The following PAPPA variants were observed in gnomAD, a reference collection of about 807,000 sequenced individuals.
The protein encoded by PAPPA is pappalysin 1.
A neutral mutation model predicts 164.0 loss-of-function variants in PAPPA; 60 were observed. The ratio of observed to expected loss-of-function variants is 0.37; its 90% confidence interval spans 0.30 to 0.45. The LOEUF (loss-of-function observed/expected upper bound fraction) is 0.45, where lower values mean the gene tolerates loss of function less well. Among genes scored for constraint, PAPPA ranks in the 20% least tolerant of loss-of-function variants. The pLI, the probability that PAPPA is intolerant of heterozygous loss-of-function variation, is 1.00. For missense variants in PAPPA, 1,782 were observed against 2,087.3 expected (o/e 0.85, Z 2.85); for synonymous variants, 875 against 814.1 (o/e 1.07, Z -1.27).
chr9:116,223,578 G>A (rs903465829), intron 5 of PAPPA, among the ~76,000 whole-genome samples: 3 of 152,070 alleles, frequency 2.0e-5, no homozygotes, highest in Non-Finnish European at 2.9e-5. Flanking sequence ...GTTATCATAC[G>A]TTAAATTAAA....
At chr9:116,270,713 A>G (rs1845125923) in intron 8 of PAPPA, among the ~76,000 whole-genome samples, 1 of 152,216 alleles carries the variant, frequency 6.6e-6, no homozygotes, top group African/African-American at 2.4e-5. Flanking sequence ...TCCAACAAAA[A>G]CAAAGGGGGC....
chr9:116,179,093 T>A (rs2118607478), intron 1 of PAPPA, among the ~76,000 whole-genome samples: 1 of 152,336 alleles, frequency 6.6e-6, no homozygotes, highest in Middle Eastern at 3.4e-3. Flanking sequence ...TACATTTATC[T>A]CTTTTCTCTC....
At chr9:116,276,893 C>T (rs1325646161) in intron 9 of PAPPA, among the ~76,000 whole-genome samples, 1 of 152,160 alleles carries the variant, frequency 6.6e-6, no homozygotes, top group Non-Finnish European at 1.5e-5. Flanking sequence ...GTCTGCCTCC[C>T]CACCAGTTGC....
chr9:116,209,260 G>A (rs1334311516), intron 3 of PAPPA, among the ~76,000 whole-genome samples: 1 of 152,118 alleles, frequency 6.6e-6, no homozygotes, highest in Admixed American at 6.5e-5. Context: ...GCCAAAATTC[G>A]TGTTTGTTCT....
chr9:116,380,670 A>T (rs765530989), intron 20 of PAPPA, among the ~76,000 whole-genome samples: 2 of 152,232 alleles, frequency 1.3e-5, no homozygotes, highest in Non-Finnish European at 2.9e-5. Flanking sequence ...CACACAGCAG[A>T]GTCACACCTG....
chr9:116,158,541 G>C (rs1228043799), intron 1 of PAPPA, among the ~76,000 whole-genome samples: 1 of 152,200 alleles, frequency 6.6e-6, no homozygotes, highest in Non-Finnish European at 1.5e-5. Context: ...GATGGCACAA[G>C]TACCTGTATC....
At chr9:116,316,689 A>G (rs1000880302) in intron 10 of PAPPA, 1 of 152,276 alleles carries the variant, frequency 6.6e-6, no homozygotes, top group African/African-American at 2.4e-5. Flanking sequence ...TTTTGTCTTT[A>G]AAAATGGGAG....
At chr9:116,246,313 T>G (rs1844796296) in intron 7 of PAPPA, among the ~76,000 whole-genome samples, 1 of 152,114 alleles carries the variant, frequency 6.6e-6, no homozygotes, top group Admixed American at 6.5e-5. Context: ...GCTGGTAAAA[T>G]AATGGGTTTG....
chr9:116,168,473 CTA>C (rs898370085), intron 1 of PAPPA, among the ~76,000 whole-genome samples: 5 of 152,102 alleles, frequency 3.3e-5, no homozygotes, highest in African/African-American at 1.2e-4. Flanking sequence ...AGCAGAAACA[CTA>C]TGTTATGAAA....
At chr9:116,294,556 T>C (rs1485996471) in intron 9 of PAPPA, among the ~76,000 whole-genome samples, 1 of 152,144 alleles carries the variant, frequency 6.6e-6, no homozygotes, top group Non-Finnish European at 1.5e-5. Flanking sequence ...AGAGGAAACA[T>C]ATGCCAATAT....
intron 6 of PAPPA, 119 bp from the exon 7 acceptor site, chr9:116,235,020 C>A: frequency 1.8e-6 from 2 of 1,113,558 alleles, no homozygotes; most frequent in East Asian, 2.4e-5. Flanking sequence ...ACCTTCCTCT[C>A]CTTTTCCCCT....
chr9:116,349,832 G>T (rs990545808), intron 15 of PAPPA, among the ~76,000 whole-genome samples: 2 of 152,170 alleles, frequency 1.3e-5, no homozygotes, highest in Non-Finnish European at 2.9e-5. Flanking sequence ...ATGAAGAGAC[G>T]TTACCCTCTA....
intron 5 of PAPPA, among the ~76,000 whole-genome samples, chr9:116,220,609 C>T (rs1387776391): frequency 6.6e-6 from 1 of 151,474 alleles, no homozygotes. Context: ...ATATACAAGG[C>T]CGGGCATGGT....
chr9:116,343,928 T>G (rs563478966), intron 13 of PAPPA, among the ~76,000 whole-genome samples: 11 of 151,920 alleles, frequency 7.2e-5, no homozygotes, highest in African/African-American at 2.4e-4. Flanking sequence ...GCCCAGCTAA[T>G]TTTTTGTATT....
intron 9 of PAPPA, among the ~76,000 whole-genome samples, chr9:116,299,937 A>T (rs1296319202): frequency 1.4e-5 from 2 of 146,740 alleles, no homozygotes; most frequent in African/African-American, 5.1e-5. Context: ...TATTTTATTT[A>T]TGTCCTCTTT....
chr9:116,204,721 A>G (rs997033989), intron 2 of PAPPA, among the ~76,000 whole-genome samples: 2 of 152,150 alleles, frequency 1.3e-5, no homozygotes, highest in Non-Finnish European at 2.9e-5. Context: ...CAGCCCTGAC[A>G]TTTTAAAGTA....
At chr9:116,332,491 G>T in intron 12 of PAPPA, 23 bp downstream of exon 12, 1 of 1,594,744 alleles carries the variant, frequency 6.3e-7, no homozygotes, top group East Asian at 2.3e-5. Context: ...TCTTGGTCTT[G>T]GCTTGCTTTC....
At chr9:116,159,662 C>T (rs1167831611) in intron 1 of PAPPA, among the ~76,000 whole-genome samples, 2 of 152,190 alleles carry the variant, frequency 1.3e-5, no homozygotes, top group Non-Finnish European at 2.9e-5. Context: ...AGGTGCTCCT[C>T]AAACTCTCAC....
rs376171353 is a variant in PAPPA at position 116,235,497 on chromosome 9, C to T, written c.2592C>T (p.Ile864=). ...ACACGCTGGATGAGCACCTGGAGAT[C>T]GATGCTGCCATGTTGACCTCCACTG... ...QIYTLDEHLE[I]DAAMLTSTAD... is the part of the protein sequence containing the mutation. Residue 864 remains isoleucine (I), a synonymous_variant, in exon 7 of 22, where the codon ATC becomes ATT. Coordinates refer to ENST00000328252, the MANE Select transcript of PAPPA (RefSeq NM_002581.5). 2.0e-5 allele frequency: 33 copies of T among 1,613,360 alleles called. No individual in the cohort carries two copies. The African/African-American group carries it at 2.1e-4, about 10-fold the overall frequency.
Sources: allele counts gnomAD v4.1 joint callset (sites outside exome capture counted in the v4.1 genomes callset), GRCh38; gene constraint gnomAD v4.1.1; transcripts MANE v1.5; gene names NCBI Gene and HGNC (gene_info 2026-07-23, HGNC 2026-07-21).